The following ATP6V0A1 variants were observed in gnomAD, a reference collection of about 807,000 sequenced individuals.
The protein encoded by ATP6V0A1 is ATPase H+ transporting V0 subunit a1, also known as V-type proton ATPase 116 kDa subunit a 1.
A neutral mutation model predicts 105.4 loss-of-function variants in ATP6V0A1; 43 were observed. That is an observed-to-expected ratio of 0.41 (90% CI 0.32 to 0.53). The LOEUF is 0.53. Among genes scored for constraint, ATP6V0A1 ranks in the 20% least tolerant of loss-of-function variants. The pLI is 0.30. For synonymous variants in ATP6V0A1, 362 were observed against 372.8 expected (o/e 0.97, Z 0.33); for missense variants, 676 against 1,051.1 (o/e 0.64, Z 4.93).
intron 12 of ATP6V0A1, 182 bp downstream of exon 12, chr17:42,494,655 T>C: frequency 1.4e-6 from 1 of 690,690 alleles, no homozygotes; most frequent in Non-Finnish European, 2.3e-6. Flanking sequence ...GTGCCTGTAG[T>C]CCCAGCTACT....
At chr17:42,510,705 A>G (rs569999374) in intron 19 of ATP6V0A1, 2 of 152,354 alleles carry the variant, frequency 1.3e-5, no homozygotes, top group Non-Finnish European at 2.9e-5. Flanking sequence ...CATCCAAGAG[A>G]GAGCGGTGAA....
At chr17:42,494,233 C>T in intron 11 of ATP6V0A1, 101 bp from the exon 12 acceptor site, 1 of 969,766 alleles carries the variant, frequency 1.0e-6, no homozygotes, top group Non-Finnish European at 1.4e-6. Context: ...GACTCCATCT[C>T]AAAAAAAAAA....
chr17:42,477,524 C>G (rs181865011), intron 5 of ATP6V0A1, 136 bp from the exon 6 acceptor site: 17 of 771,000 alleles, frequency 2.2e-5, no homozygotes, highest in Admixed American at 2.0e-4. Context: ...TATATCTTGT[C>G]TTTTCGTGGT....
chr17:42,477,699 T>C lies in ATP6V0A1; in HGVS notation c.463T>C (p.Leu155=). Residue 155 remains leucine (L), a synonymous_variant, in exon 6 of 22, where the codon TTG becomes CTG. Transcript: ENST00000343619. ...CTTGTTGGAAGAGTCCTCATCCCTC[T>C]TGGAGCCAAGTGAGATGGGAAGAGG... ...PDLLEESSSL[L]EPSEMGRGTP... 2 of 1,613,992 alleles carry C rather than the reference T, an allele frequency of 1.2e-6. No homozygotes were observed. Among genetic ancestry groups the C allele is most frequent in the Non-Finnish European group, 1.7e-6 (2 of 1,179,926 alleles).
chr17:42,508,629 CT>C, intron 19 of ATP6V0A1, 40 bp downstream of exon 19: 1 of 1,613,254 alleles, frequency 6.2e-7, no homozygotes, highest in East Asian at 2.2e-5. Context: ...TTTATCCGGG[CT>C]TCTCTCTTCC....
chr17:42,482,234 C>T (rs2089607025), intron 8 of ATP6V0A1, among the ~76,000 whole-genome samples: 2 of 147,698 alleles, frequency 1.4e-5, no homozygotes, highest in African/African-American at 5.4e-5. Flanking sequence ...GCAGCCTTGA[C>T]TTCCTGAGCT....
chr17:42,512,433 G>A (rs1356488253), intron 19 of ATP6V0A1, among the ~76,000 whole-genome samples: 1 of 152,188 alleles, frequency 6.6e-6, no homozygotes, highest in African/African-American at 2.4e-5. Flanking sequence ...TCCTCTCAAT[G>A]CGGGCCCTGG....
intron 21 of ATP6V0A1, chr17:42,518,254 A>G (rs1156540949): frequency 6.6e-6 from 1 of 152,182 alleles, no homozygotes; most frequent in Non-Finnish European, 1.5e-5. Context: ...ATGTACACCT[A>G]CCTGTACACT....
chr17:42,479,832 C>G (rs1567824680), intron 7 of ATP6V0A1, among the ~76,000 whole-genome samples: 2 of 152,184 alleles, frequency 1.3e-5, no homozygotes, highest in African/African-American at 2.4e-5. Flanking sequence ...AATATTCAGT[C>G]AAGTTTCCTC....
chr17:42,478,645 A>T (rs1322761262), intron 7 of ATP6V0A1, 56 bp downstream of exon 7: 16 of 1,485,722 alleles, frequency 1.1e-5, no homozygotes, highest in South Asian at 6.4e-5. Flanking sequence ...AGCCCAGAGC[A>T]GTAACGTAGC....
intron 2 of ATP6V0A1, among the ~76,000 whole-genome samples, 183 bp downstream of exon 2, chr17:42,461,194 T>C (rs2086356468): frequency 6.6e-6 from 1 of 152,230 alleles, no homozygotes; most frequent in Non-Finnish European, 1.5e-5. Context: ...TGCCAATCTT[T>C]ACATGCTTTT....
intron 2 of ATP6V0A1, among the ~76,000 whole-genome samples, chr17:42,461,940 C>T (rs1598641351): frequency 6.6e-6 from 1 of 151,512 alleles, no homozygotes; most frequent in Admixed American, 6.6e-5. Context: ...GGTGCAATGG[C>T]TCACACCTGA....
In ATP6V0A1 at chr17:42,471,122, CA is replaced by C. The variant is rs905509796; in HGVS notation, c.423+916del. The C allele has an allele frequency of 1.6e-3, 213 of 132,604 alleles. 1 individual carries two copies. The highest frequency in any genetic ancestry group is 9.4e-3 in the East Asian group (43 of 4,564). 8.2% of individuals were successfully genotyped at this position (132,604 alleles called of 1,614,324 possible). ...TGGGCGACAGAGTGAGACTCTATCT[CA>C]AAAAAAAAAAATGTAGGCTGGGCGC... On this transcript the variant is annotated intron_variant, in intron 5 of 21. Coordinates refer to ENST00000343619, the MANE Select transcript of ATP6V0A1 (RefSeq NM_001130021.3).
chr17:42,487,048 A>G (rs1598872143), intron 9 of ATP6V0A1, 107 bp from the exon 10 acceptor site: 1 of 1,103,020 alleles, frequency 9.1e-7, no homozygotes, highest in Non-Finnish European at 1.4e-6. Flanking sequence ...GAAAAAGACA[A>G]TTCCCTGGCA....
At chr17:42,469,489 C>T (rs2087583261) in intron 4 of ATP6V0A1, among the ~76,000 whole-genome samples, 2 of 150,998 alleles carry the variant, frequency 1.3e-5, no homozygotes, top group South Asian at 4.2e-4. Context: ...CACCACTGCA[C>T]CCAGCTAATT....
intron 21 of ATP6V0A1, among the ~76,000 whole-genome samples, chr17:42,517,125 C>T (rs1435628836): frequency 1.3e-5 from 2 of 152,104 alleles, no homozygotes; most frequent in East Asian, 3.8e-4. Flanking sequence ...ACTAAAAATG[C>T]AAACATTAGC....
At chr17:42,495,000 T>C in intron 12 of ATP6V0A1, 34 bp from the exon 13 acceptor site, 1 of 1,602,526 alleles carries the variant, frequency 6.2e-7, no homozygotes, top group Non-Finnish European at 8.5e-7. Context: ...CTGCAGTGAG[T>C]ACATTCTCAT....
At chr17:42,480,608 A>C in intron 7 of ATP6V0A1, 59 bp from the exon 8 acceptor site, 3 of 1,540,618 alleles carry the variant, frequency 1.9e-6, no homozygotes, top group Non-Finnish European at 2.6e-6. Flanking sequence ...TGGGTTATTT[A>C]AGAGATTTTC....
At chr17:42,495,600 A>G (rs1395448499) in intron 13 of ATP6V0A1, 26 bp from the exon 14 acceptor site, 2 of 1,562,724 alleles carry the variant, frequency 1.3e-6, no homozygotes, top group East Asian at 2.2e-5. Flanking sequence ...TTCAAAAATA[A>G]TGTGACTTTT....
Sources: gnomAD v4.1 joint callset for allele counts (sites outside exome capture counted in the v4.1 genomes callset) on GRCh38, gnomAD v4.1.1 for gene constraint, MANE v1.5 for transcripts, NCBI Gene and HGNC (gene_info 2026-07-23, HGNC 2026-07-21) for gene names.